The following AIG1 variants were observed in gnomAD, a reference collection of about 807,000 sequenced individuals.
AIG1 encodes androgen induced 1, also known as androgen-induced gene 1 protein.
A neutral mutation model predicts 31.4 loss-of-function variants in AIG1; 23 were observed. That is an observed-to-expected ratio of 0.73 (90% CI 0.53 to 1.04). AIG1 has a LOEUF of 1.04. Among genes scored for constraint, AIG1 ranks in the 50% least tolerant of loss-of-function variants. The probability of loss-of-function intolerance (pLI) is 0.00; values close to 1 mark genes in which losing one functional copy is unlikely to be tolerated. For missense variants in AIG1, 274 were observed against 295.0 expected (o/e 0.93, Z 0.52); for synonymous variants, 100 against 110.5 (o/e 0.90, Z 0.60).
At chr6:143,097,566 C>T (rs948872196) in intron 1 of AIG1, among the ~76,000 whole-genome samples, 3 of 152,136 alleles carry the variant, frequency 2.0e-5, no homozygotes, top group South Asian at 2.1e-4. Flanking sequence ...ATCCAATGAG[C>T]GCTCCGTACT....
intron 1 of AIG1, among the ~76,000 whole-genome samples, chr6:143,110,857 C>CA (rs1216142528): frequency 2.0e-5 from 3 of 152,076 alleles, no homozygotes; most frequent in Admixed American, 1.3e-4. Flanking sequence ...ATGAATAAAC[C>CA]AATGCATATT....
intron 3 of AIG1, among the ~76,000 whole-genome samples, chr6:143,282,065 G>A (rs746188520): frequency 1.3e-5 from 2 of 152,162 alleles, no homozygotes; most frequent in Non-Finnish European, 2.9e-5. Context: ...TGGAAGATAT[G>A]CATACATTTT....
chr6:143,108,113 T>C (rs1380194292), intron 1 of AIG1, among the ~76,000 whole-genome samples: 2 of 152,164 alleles, frequency 1.3e-5, no homozygotes, highest in Non-Finnish European at 2.9e-5. Flanking sequence ...TTTTAGAATA[T>C]AGGCAAGGTC....
In AIG1 at chr6:143,241,431, A is replaced by T. The variant is rs17072347; in HGVS notation, c.400-42679A>T. Reference sequence around the variant, plus strand: ...AGGTCCAAACTCAGACTTGGCTGTCATCATCTTGCCACTTCTGGGATGAAG... The same window carrying T: ...AGGTCCAAACTCAGACTTGGCTGTCTTCATCTTGCCACTTCTGGGATGAAG... On this transcript the variant is annotated intron_variant, in intron 3 of 5. Coordinates refer to ENST00000357847, the MANE Select transcript of AIG1 (RefSeq NM_016108.4). Among the ~76,000 whole-genome samples, 1,442 of 152,358 alleles carry T rather than the reference A, an allele frequency of 9.5e-3. 43 individuals are homozygous for T. The highest frequency in any genetic ancestry group is 0.065 in the East Asian group (337 of 5,180).
intron 1 of AIG1, among the ~76,000 whole-genome samples, chr6:143,134,227 GATA>G (rs1404260393): frequency 6.6e-6 from 1 of 151,938 alleles, no homozygotes; most frequent in Non-Finnish European, 1.5e-5. Context: ...GCCCTGTGCA[GATA>G]ATATTTCCTC....
chr6:143,258,171 A>G lies in AIG1; in HGVS notation c.400-25939A>G, dbSNP rs1043599037. Among the ~76,000 whole-genome samples, 11 of 152,214 alleles carry G rather than the reference A, an allele frequency of 7.2e-5. No homozygotes were observed. Among genetic ancestry groups the G allele is most frequent in the Non-Finnish European group, 1.5e-4 (10 of 68,040 alleles). On this transcript the variant is annotated intron_variant, in intron 3 of 5. Transcript: ENST00000357847. This position sits in a 1 kb window ranked among gnomAD's most constrained non-coding sequence, Gnocchi z 4.7. Reference sequence around the variant, plus strand: ...CTCACTAGAATTAACCATTTCTATAAAATGCTAAAGAAGGGCAGTCCCCAG... The same window carrying G: ...CTCACTAGAATTAACCATTTCTATAGAATGCTAAAGAAGGGCAGTCCCCAG...
intron 1 of AIG1, among the ~76,000 whole-genome samples, chr6:143,086,167 A>G (rs1044943013): frequency 3.9e-5 from 6 of 152,192 alleles, no homozygotes; most frequent in Admixed American, 3.9e-4. Flanking sequence ...GATTTTTGAT[A>G]GGAAGGCTAC....
intron 4 of AIG1, among the ~76,000 whole-genome samples, chr6:143,305,031 T>A (rs1799147345): frequency 6.6e-6 from 1 of 152,232 alleles, no homozygotes; most frequent in Non-Finnish European, 1.5e-5. Flanking sequence ...TTTGTAGTAT[T>A]CTCTGATGGT....
rs770418532 is a variant in AIG1 at position 143,339,525 on chromosome 6, G to A, written c.680-114G>A. On this transcript the variant is annotated intron_variant, in intron 5 of 5. Transcript: ENST00000357847. Reference sequence around the variant, plus strand: ...TAGGGGGTGTGTCAGGAGGGTGAATGGGAGAAGTGAGGGCAGATGAGTGGA... The same window carrying A: ...TAGGGGGTGTGTCAGGAGGGTGAATAGGAGAAGTGAGGGCAGATGAGTGGA... 9.5e-6 allele frequency: 10 copies of A among 1,047,626 alleles called. No individual in the cohort carries two copies. The African/African-American group carries it at 1.1e-4, about 12-fold the overall frequency. The allele number at this position is 1,047,626 out of a possible 1,614,324, so 64.9% of individuals were successfully genotyped here.
intron 4 of AIG1, among the ~76,000 whole-genome samples, chr6:143,317,069 C>A (rs1321641808): frequency 6.6e-6 from 1 of 151,880 alleles, no homozygotes; most frequent in African/African-American, 2.4e-5. Context: ...CAGCTGAATT[C>A]TATCAGACAT....
intron 4 of AIG1, among the ~76,000 whole-genome samples, chr6:143,313,974 A>G (rs893074889): frequency 1.3e-5 from 2 of 152,032 alleles, no homozygotes; most frequent in African/African-American, 4.8e-5. Flanking sequence ...CACAACTCCT[A>G]TTCGGCATCA....
intron 4 of AIG1, among the ~76,000 whole-genome samples, chr6:143,286,155 T>C (rs560695054): frequency 6.6e-6 from 1 of 152,300 alleles, no homozygotes; most frequent in African/African-American, 2.4e-5. Context: ...CTGCATCTTG[T>C]AGAGCCCCAG....
chr6:143,118,486 A>G (rs1014342151), intron 1 of AIG1, among the ~76,000 whole-genome samples: 14 of 151,940 alleles, frequency 9.2e-5, no homozygotes, highest in African/African-American at 3.4e-4. Flanking sequence ...ACTAAAATGG[A>G]TGTGTACATT....
chr6:143,183,276 A>G (rs1015411861), intron 3 of AIG1, among the ~76,000 whole-genome samples: 2 of 150,778 alleles, frequency 1.3e-5, no homozygotes, highest in African/African-American at 2.4e-5. Flanking sequence ...GCTCACTGAA[A>G]CCTCCAACTC....
At chr6:143,112,310 C>T (rs977421166) in intron 1 of AIG1, among the ~76,000 whole-genome samples, 17 of 152,306 alleles carry the variant, frequency 1.1e-4, no homozygotes, top group African/African-American at 3.8e-4. Context: ...CAAAACTTAC[C>T]TTGGTTATGT....
chr6:143,203,190 A>G (rs1790840573), intron 3 of AIG1, among the ~76,000 whole-genome samples: 1 of 152,180 alleles, frequency 6.6e-6, no homozygotes, highest in Non-Finnish European at 1.5e-5. Context: ...ACAAGATTTA[A>G]TCTCTTGGAA....
chr6:143,094,401 AAATAAAG>A (rs1779568675), intron 1 of AIG1: 1 of 152,146 alleles, frequency 6.6e-6, no homozygotes, highest in Admixed American at 6.5e-5. Context: ...TAATATACAC[AAATAAAG>A]TGTTGTAGGT....
At chr6:143,263,593 C>T (rs1384979197) in intron 3 of AIG1, among the ~76,000 whole-genome samples, 1 of 152,162 alleles carries the variant, frequency 6.6e-6, no homozygotes, top group Non-Finnish European at 1.5e-5. Flanking sequence ...AGAAAGATCA[C>T]TCATGGTTCT....
Position 143,325,099 on chromosome 6 carries a change from C to T in AIG1, c.516-8183C>T, listed in dbSNP as rs2128718281. ...TCCCTTCCACTTTATTGGTGGCAAA[C>T]CAGTTTTCTAATAATTCTCTATGAA... On this transcript the variant is annotated intron_variant, in intron 4 of 5. Coordinates refer to ENST00000357847, the MANE Select transcript of AIG1 (RefSeq NM_016108.4). The surrounding 1 kb of genome is among the most constrained non-coding windows in gnomAD (Gnocchi z 4.3). Among the ~76,000 whole-genome samples, 2 of 152,276 alleles carry T rather than the reference C, an allele frequency of 1.3e-5. No individual in the cohort carries two copies. The highest frequency in any genetic ancestry group is 4.2e-4 in the South Asian group (2 of 4,816).
Sources: allele counts gnomAD v4.1 joint callset (sites outside exome capture counted in the v4.1 genomes callset), GRCh38; gene constraint gnomAD v4.1.1; non-coding constraint Gnocchi (gnomAD v3.1); transcripts MANE v1.5; gene names NCBI Gene and HGNC (gene_info 2026-07-23, HGNC 2026-07-21).